Variants in PTPRT observed in about 807,000 individuals in gnomAD.
PTPRT encodes the protein protein tyrosine phosphatase receptor type T, also known as receptor-type tyrosine-protein phosphatase T.
In PTPRT, 56 loss-of-function variants were observed where a neutral mutation model predicts 176.8. The observed-to-expected ratio is 0.32, with a 90% CI of 0.26 to 0.40. The LOEUF (loss-of-function observed/expected upper bound fraction) is 0.40. PTPRT is among the 10% of genes least tolerant of loss of function. The pLI is 1.00. For missense variants in PTPRT, 1,540 were observed against 1,908.2 expected (o/e 0.81, Z 3.60); for synonymous variants, 783 against 739.0 (o/e 1.06, Z -0.96).
chr20:42,225,653 T>A (rs976834198), intron 15 of PTPRT, among the ~76,000 whole-genome samples: 6 of 152,162 alleles, frequency 3.9e-5, no homozygotes, highest in Non-Finnish European at 8.8e-5. Flanking sequence ...ATGTGTCATT[T>A]TTTATTTATT....
In PTPRT at chr20:42,106,771, C is replaced by T. The variant is rs778020549; in HGVS notation, c.3390+15G>A. ...GGCTACAGGTGGCCAACTGTCTTGG[C>T]CCCCTAGGACTCACCTCTGTCTGTA... On this transcript the variant is annotated intron_variant, in intron 24 of 30. Coordinates refer to ENST00000373187, the MANE Select transcript of PTPRT (RefSeq NM_007050.6). 3.1e-6 allele frequency: 5 copies of T among 1,609,294 alleles called. No individual in the cohort carries two copies. The highest frequency in any genetic ancestry group is 1.3e-5 in the African/African-American group (1 of 74,932).
At chr20:42,249,833 A>G (rs531515585) in intron 13 of PTPRT, among the ~76,000 whole-genome samples, 1 of 152,370 alleles carries the variant, frequency 6.6e-6, no homozygotes, top group East Asian at 1.9e-4. Flanking sequence ...ACTAGGGATC[A>G]GAGGCAACAT....
chr20:42,161,247 T>C, intron 17 of PTPRT, 105 bp downstream of exon 17: 1 of 1,314,344 alleles, frequency 7.6e-7, no homozygotes. Flanking sequence ...TCCCAGGTGA[T>C]ACTGAGGCTG....
At chr20:43,158,435 A>G (rs1413724462) in intron 1 of PTPRT, among the ~76,000 whole-genome samples, 1 of 152,254 alleles carries the variant, frequency 6.6e-6, no homozygotes. Context: ...TACTGGAGAT[A>G]CAAATTCGGG....
intron 1 of PTPRT, among the ~76,000 whole-genome samples, chr20:43,094,476 G>T (rs960760584): frequency 8.1e-6 from 1 of 123,108 alleles, no homozygotes; most frequent in South Asian, 2.8e-4. Flanking sequence ...TCGGCTCACC[G>T]CAACCTCCAC....
intron 1 of PTPRT, among the ~76,000 whole-genome samples, chr20:43,006,499 T>G (rs1362829030): frequency 6.6e-6 from 1 of 152,178 alleles, no homozygotes; most frequent in African/African-American, 2.4e-5. Flanking sequence ...CTCTGGTCTC[T>G]CCATCAGTGT....
chr20:42,634,000 TATATATATATA>T (rs1162112509), intron 7 of PTPRT, among the ~76,000 whole-genome samples: 7 of 21,756 alleles, frequency 3.2e-4, no homozygotes, highest in African/African-American at 5.6e-4. Flanking sequence ...TTATATATAT[TATATATATATA>T]ATATATATAT....
At chr20:42,069,804 C>T (rs888512976), downstream of PTPRT, among the ~76,000 whole-genome samples, 2 of 152,112 alleles carry the variant, frequency 1.3e-5, no homozygotes, top group Non-Finnish European at 2.9e-5. Context: ...TGTTCCAATG[C>T]CTATTCAATA....
At chr20:42,177,022 G>C (rs1600636034) in intron 16 of PTPRT, among the ~76,000 whole-genome samples, 1 of 152,346 alleles carries the variant, frequency 6.6e-6, no homozygotes, top group East Asian at 1.9e-4. Flanking sequence ...CAAGACCTGA[G>C]TTTTCATCCT....
intron 7 of PTPRT, among the ~76,000 whole-genome samples, chr20:42,657,005 T>C (rs1600559703): frequency 6.6e-6 from 1 of 152,212 alleles, no homozygotes; most frequent in East Asian, 1.9e-4. Flanking sequence ...ATAATCCCCA[T>C]GTGTCGAGGG....
chr20:42,069,690 T>C (rs6130024), downstream of PTPRT, among the ~76,000 whole-genome samples: 3 of 152,348 alleles, frequency 2.0e-5, no homozygotes, highest in South Asian at 6.2e-4. Flanking sequence ...TTGTTTTTCA[T>C]ACATTTATAT....
intron 9 of PTPRT, among the ~76,000 whole-genome samples, chr20:42,441,734 G>C (rs1029557433): frequency 5.9e-5 from 9 of 152,170 alleles, no homozygotes; most frequent in Non-Finnish European, 4.4e-5. Context: ...CAAACTTTCT[G>C]GCGGATTAGC....
chr20:42,335,570 GA>G (rs552462332), intron 11 of PTPRT, among the ~76,000 whole-genome samples: 161 of 151,854 alleles, frequency 1.1e-3, no homozygotes, highest in African/African-American at 3.6e-3. Flanking sequence ...AATGTTATAA[GA>G]AAAAAAATTC....
At chr20:42,465,439 C>T (rs1465437563) in intron 8 of PTPRT, among the ~76,000 whole-genome samples, 1 of 152,112 alleles carries the variant, frequency 6.6e-6, no homozygotes, top group East Asian at 1.9e-4. Flanking sequence ...GAATAAATTA[C>T]AGTATTTCCA....
At chr20:43,076,466 T>C (rs967033816) in intron 1 of PTPRT, among the ~76,000 whole-genome samples, 2 of 151,858 alleles carry the variant, frequency 1.3e-5, no homozygotes, top group African/African-American at 2.4e-5. Context: ...AGAAGCCTAA[T>C]GAGCCTGCTT....
At chr20:42,409,125 GAAAT>G (rs984348274) in intron 9 of PTPRT, among the ~76,000 whole-genome samples, 40 of 152,122 alleles carry the variant, frequency 2.6e-4, no homozygotes, top group African/African-American at 9.4e-4. Context: ...TTGTTATCCT[GAAAT>G]AGTTATACCA....
At chr20:42,303,549 C>T (rs771232573) in intron 12 of PTPRT, among the ~76,000 whole-genome samples, 3 of 152,194 alleles carry the variant, frequency 2.0e-5, no homozygotes, top group Non-Finnish European at 4.4e-5. Context: ...AGATTCAACC[C>T]CAGCTCGTTC....
At chr20:42,701,152 C>A (rs2075968614) in intron 6 of PTPRT, among the ~76,000 whole-genome samples, 1 of 152,126 alleles carries the variant, frequency 6.6e-6, no homozygotes, top group Non-Finnish European at 1.5e-5. Context: ...GAGTGGCCAT[C>A]CGTAAGTTAT....
intron 18 of PTPRT, among the ~76,000 whole-genome samples, chr20:42,130,796 T>A (rs1366538618): frequency 2.6e-5 from 4 of 152,116 alleles, no homozygotes; most frequent in Admixed American, 1.3e-4. Context: ...GTCTAAGCAA[T>A]CCCTTTGGGT....
Sources: gnomAD v4.1 joint callset for allele counts (sites outside exome capture counted in the v4.1 genomes callset) on GRCh38, gnomAD v4.1.1 for gene constraint, MANE v1.5 for transcripts, NCBI Gene and HGNC (gene_info 2026-07-23, HGNC 2026-07-21) for gene names.